CBLN2: variants seen among roughly 807,000 people sequenced by gnomAD.
The protein encoded by CBLN2 is cerebellin-2.
CBLN2 carries 7 observed loss-of-function variants against 15.0 expected under a neutral mutation model. The ratio of observed to expected loss-of-function variants is 0.47; its 90% CI spans 0.27 to 0.88. The LOEUF (loss-of-function observed/expected upper bound fraction) is 0.88, where lower values mean the gene tolerates loss of function less well. CBLN2 is among the 40% of genes least tolerant of loss of function. CBLN2 has a pLI of 0.14. For synonymous variants in CBLN2, 149 were observed against 135.2 expected (o/e 1.10, Z -0.71); for missense variants, 242 against 304.5 (o/e 0.79, Z 1.53).
chr18:72,623,618 G>A (rs1240840607), intron 1 of CBLN2, among the ~76,000 whole-genome samples: 1 of 152,060 alleles, frequency 6.6e-6, no homozygotes, highest in Admixed American at 6.6e-5. Context: ...ACCTCATCAC[G>A]CTGCAGACAA....
intron 1 of CBLN2, among the ~76,000 whole-genome samples, chr18:72,608,768 A>G (rs2069601392): frequency 6.6e-6 from 1 of 152,234 alleles, no homozygotes; most frequent in South Asian, 2.1e-4. Flanking sequence ...TAATAAAAAC[A>G]TATCTGAAAC....
intron 1 of CBLN2, among the ~76,000 whole-genome samples, chr18:72,573,674 GTTTA>G (rs1342067630): frequency 6.6e-6 from 1 of 152,144 alleles, no homozygotes; most frequent in Admixed American, 6.5e-5. Flanking sequence ...TTGTACCATA[GTTTA>G]TTTATCCATT....
intron 1 of CBLN2, among the ~76,000 whole-genome samples, chr18:72,574,871 A>G (rs940727837): frequency 1.3e-5 from 2 of 152,160 alleles, no homozygotes; most frequent in Non-Finnish European, 2.9e-5. Context: ...TGAAGGGCAA[A>G]TTCAGTCATC....
chr18:72,618,159 C>G (rs931711580), intron 1 of CBLN2: 1 of 166,554 alleles, frequency 6.0e-6, no homozygotes, highest in African/African-American at 2.4e-5. Context: ...CTTTTCAAAA[C>G]AGGCTATAAA....
At chr18:72,578,383 T>C (rs1430921785) in intron 1 of CBLN2, among the ~76,000 whole-genome samples, 1 of 152,158 alleles carries the variant, frequency 6.6e-6, no homozygotes, top group Non-Finnish European at 1.5e-5. Context: ...ATCCCACTTA[T>C]ATTGAGGTAA....
In CBLN2 at chr18:72,536,731, C is replaced by G. The variant is rs1156547093; in HGVS notation, c.*1445G>C. 2 of 152,584 alleles carry G rather than the reference C, an allele frequency of 1.3e-5. No homozygotes were observed. The highest frequency in any genetic ancestry group is 3.8e-4 in the East Asian group (2 of 5,196). 9.5% of individuals were successfully genotyped at this position (152,584 alleles called of 1,614,324 possible). ...AATCTTAAATTATGACTTTTATCAT[C>G]AATATTTTGGTTACATTGTTACACA... On this transcript the variant is annotated 3_prime_UTR_variant, in exon 5 of 5. Transcript: ENST00000269503.
chr18:72,636,811 G>A (rs1187177978), intron 1 of CBLN2, among the ~76,000 whole-genome samples: 4 of 152,056 alleles, frequency 2.6e-5, no homozygotes, highest in Non-Finnish European at 5.9e-5. Context: ...AAGGAGTAAA[G>A]ATACATTTGT....
chr18:72,615,046 T>C, intron 1 of CBLN2, among the ~76,000 whole-genome samples: 1 of 138,254 alleles, frequency 7.2e-6, no homozygotes. Flanking sequence ...CATATATATA[T>C]ATATATATAT....
rs1246007198 is a variant in CBLN2 at position 72,542,190 on chromosome 18, T to G, written c.-30A>C. 8.4e-7 allele frequency: 1 copy of G among 1,196,244 alleles called. No homozygotes were observed. Among genetic ancestry groups the G allele is most frequent in the Non-Finnish European group, 1.0e-6 (1 of 966,846 alleles). The allele number at this position is 1,196,244 out of a possible 1,614,324, so 74.1% of individuals were successfully genotyped here. On this transcript the variant is annotated 5_prime_UTR_variant, in exon 3 of 5. Transcript: ENST00000269503. ...ACTGGTGGGAGGCGGCGCGCGGGGG[T>G]GGAGGCCGGCGCCGGCGCGAGCGGC...
In CBLN2 at chr18:72,601,145, G is replaced by A. The variant is rs530403482; in HGVS notation, c.15+37180C>T. 7.2e-5 allele frequency among the ~76,000 whole-genome samples: 11 copies of A among 152,240 alleles called. No homozygotes were observed. In the South Asian group the frequency reaches 1.2e-3, roughly 17 times the overall value. ...GGCTTTTCATTGGTTTTACAAAGGT[G>A]GTTCATTATCACCGTTGTGAGGGCT... On this transcript the variant is annotated intron_variant, in intron 1 of 2. Coordinates refer to the CBLN2 transcript ENST00000581073.
intron 1 of CBLN2, among the ~76,000 whole-genome samples, chr18:72,606,929 G>A (rs1003972572): frequency 6.6e-6 from 1 of 152,194 alleles, no homozygotes; most frequent in East Asian, 1.9e-4. Flanking sequence ...CCCTGTTGGA[G>A]GTAGAATTGT....
At chr18:72,598,408 C>T (rs568635054) in intron 1 of CBLN2, among the ~76,000 whole-genome samples, 55 of 152,324 alleles carry the variant, frequency 3.6e-4, no homozygotes, top group Middle Eastern at 3.4e-3. Flanking sequence ...TGTGGCTAAG[C>T]TGGTATCCAC....
rs76112834 is a variant in CBLN2 at position 72,567,317 on chromosome 18, TA to T, written c.16-28546del. On this transcript the variant is annotated intron_variant, in intron 1 of 2. Coordinates refer to the CBLN2 transcript ENST00000581073. The stretch of plus-strand genomic sequence containing the variant: ...TGGAGATTAAAATGTGAATTCTTTT[TA>T]AAAAAAATCCATTATGTATTCTATG... Among the ~76,000 whole-genome samples, 7,535 of 152,084 alleles carry T rather than the reference TA, an allele frequency of 0.05. 827 individuals are homozygous for T. In the East Asian group the frequency reaches 0.5, roughly 10 times the overall value.
At chr18:72,599,870 ACCT>A (rs964311291) in intron 1 of CBLN2, among the ~76,000 whole-genome samples, 23 of 152,226 alleles carry the variant, frequency 1.5e-4, no homozygotes, top group African/African-American at 5.3e-4. Flanking sequence ...GCTGAGAGTT[ACCT>A]CCTCAGTGTC....
intron 1 of CBLN2, among the ~76,000 whole-genome samples, chr18:72,575,614 T>A (rs1466956380): frequency 3.3e-5 from 5 of 152,078 alleles, no homozygotes; most frequent in African/African-American, 1.2e-4. Context: ...TTCAGAGGGC[T>A]GCCGGAGAAG....
chr18:72,612,596 A>T (rs1464913757), intron 1 of CBLN2, among the ~76,000 whole-genome samples: 1 of 152,004 alleles, frequency 6.6e-6, no homozygotes, highest in East Asian at 1.9e-4. Context: ...AATAAAAAAC[A>T]TTGCCTCTCT....
chr18:72,551,478 G>T (rs531231407), intron 1 of CBLN2, among the ~76,000 whole-genome samples: 1 of 152,110 alleles, frequency 6.6e-6, no homozygotes, highest in Non-Finnish European at 1.5e-5. Context: ...GCTTGAAATA[G>T]AATTGACTAA....
chr18:72,567,517 C>T (rs2069303323), intron 1 of CBLN2, among the ~76,000 whole-genome samples: 1 of 152,100 alleles, frequency 6.6e-6, no homozygotes, highest in Non-Finnish European at 1.5e-5. Context: ...TACTCAAGCA[C>T]GTTAGCTGAT....
At chr18:72,637,508 G>C (rs549772745) in intron 1 of CBLN2, among the ~76,000 whole-genome samples, 1 of 152,206 alleles carries the variant, frequency 6.6e-6, no homozygotes, top group Non-Finnish European at 1.5e-5. Context: ...AATAGAAAGC[G>C]ACAGCAGCGT....
Sources: gnomAD v4.1 joint callset for allele counts (sites outside exome capture counted in the v4.1 genomes callset) on GRCh38, gnomAD v4.1.1 for gene constraint, MANE v1.5 for transcripts, NCBI Gene and HGNC (gene_info 2026-07-23, HGNC 2026-07-21) for gene names.